KAZN: variants seen among roughly 807,000 people sequenced by gnomAD.
The protein encoded by KAZN is kazrin.
A neutral mutation model predicts 87.4 loss-of-function variants in KAZN; 40 were observed. The observed-to-expected ratio is 0.46, with a 90% CI of 0.36 to 0.60. The LOEUF (loss-of-function observed/expected upper bound fraction) is 0.60, where lower values mean the gene tolerates loss of function less well. KAZN is among the 20% of genes least tolerant of loss of function. The pLI is 0.00. For synonymous variants in KAZN, 466 were observed against 458.3 expected (o/e 1.02, Z -0.22); for missense variants, 898 against 1,073.9 (o/e 0.84, Z 2.29).
At chr1:14,507,141 T>C (rs192071056) in intron 2 of KAZN, among the ~76,000 whole-genome samples, 1 of 152,340 alleles carries the variant, frequency 6.6e-6, no homozygotes, top group East Asian at 1.9e-4. Flanking sequence ...AAAGCCCCTG[T>C]TGGTTTGCAG....
chr1:13,923,445 T>C (rs1027380015), intron 1 of KAZN, among the ~76,000 whole-genome samples: 76 of 151,558 alleles, frequency 5.0e-4, no homozygotes, highest in East Asian at 2.7e-3. Flanking sequence ...TGGTGGCAGG[T>C]GCCTGTAGTC....
intron 1 of KAZN, among the ~76,000 whole-genome samples, chr1:14,698,406 G>A (rs1641733672): frequency 2.0e-5 from 3 of 152,194 alleles, no homozygotes; most frequent in Non-Finnish European, 4.4e-5. Flanking sequence ...GTCCCATCTG[G>A]CCCTCGGCCG....
chr1:14,589,766 C>T (rs1220759365), intron 2 of KAZN, among the ~76,000 whole-genome samples: 1 of 152,160 alleles, frequency 6.6e-6, no homozygotes, highest in Non-Finnish European at 1.5e-5. Context: ...AATGTTTCCT[C>T]TGTGGCCTTG....
chr1:15,092,073 A>ATTTT (rs58871336), intron 8 of KAZN, among the ~76,000 whole-genome samples: 42 of 75,384 alleles, frequency 5.6e-4, no homozygotes, highest in African/African-American at 1.6e-3. Flanking sequence ...TTTTTTTTTG[A>ATTTT]TTTTTTTTTT....
intron 1 of KAZN, among the ~76,000 whole-genome samples, chr1:14,130,733 T>C (rs962999820): frequency 2.6e-5 from 4 of 152,174 alleles, no homozygotes; most frequent in African/African-American, 9.7e-5. Context: ...GACCTGATAT[T>C]ACCACTGAGT....
At chr1:14,477,004 G>A (rs924272552) in intron 2 of KAZN, among the ~76,000 whole-genome samples, 44 of 152,164 alleles carry the variant, frequency 2.9e-4, no homozygotes, top group Admixed American at 2.7e-3. Context: ...CAATGTAAAT[G>A]TCACCAACCT....
chr1:14,774,865 T>C (rs1167377455), intron 1 of KAZN, among the ~76,000 whole-genome samples: 2 of 152,174 alleles, frequency 1.3e-5, no homozygotes, highest in Non-Finnish European at 2.9e-5. Context: ...ATCATCTACC[T>C]GTGGAAAGTT....
intron 2 of KAZN, among the ~76,000 whole-genome samples, chr1:14,489,424 G>A (rs1013120867): frequency 2.0e-5 from 3 of 152,052 alleles, no homozygotes; most frequent in Admixed American, 6.6e-5. Context: ...TTGTAATTCA[G>A]TGTAAATTGA....
At chr1:14,175,659 G>A (rs940680977) in intron 1 of KAZN, among the ~76,000 whole-genome samples, 3 of 152,128 alleles carry the variant, frequency 2.0e-5, no homozygotes, top group African/African-American at 7.2e-5. Context: ...CCCCAAATCC[G>A]CTAGCCTACT....
chr1:14,535,925 G>T (rs976894983), intron 2 of KAZN, among the ~76,000 whole-genome samples: 4 of 152,138 alleles, frequency 2.6e-5, no homozygotes, highest in Non-Finnish European at 5.9e-5. Flanking sequence ...AGATCACCAG[G>T]GCAACTTGTT....
At chr1:14,858,082 TTA>T (rs1477293467) in intron 1 of KAZN, among the ~76,000 whole-genome samples, 1 of 152,232 alleles carries the variant, frequency 6.6e-6, no homozygotes, top group Non-Finnish European at 1.5e-5. Context: ...CTGACTTCTT[TTA>T]TAATTTAGCA....
At chr1:14,557,932 A>G (rs1304734474) in intron 2 of KAZN, among the ~76,000 whole-genome samples, 1 of 152,122 alleles carries the variant, frequency 6.6e-6, no homozygotes, top group Non-Finnish European at 1.5e-5. Flanking sequence ...ATTGACCTTC[A>G]TAAACCCCCT....
intron 1 of KAZN, among the ~76,000 whole-genome samples, chr1:14,772,544 C>A (rs961814662): frequency 3.3e-5 from 5 of 151,820 alleles, no homozygotes; most frequent in African/African-American, 4.8e-5. Flanking sequence ...AAAAAAGAGA[C>A]CCCTCTTGGA....
intron 8 of KAZN, among the ~76,000 whole-genome samples, chr1:15,072,104 A>G (rs1639530922): frequency 6.6e-6 from 1 of 152,184 alleles, no homozygotes; most frequent in Non-Finnish European, 1.5e-5. Context: ...GATTCTAAGC[A>G]AGTTGTTTAA....
chr1:13,935,927 T>C (rs76468707), intron 1 of KAZN, among the ~76,000 whole-genome samples: 114,511 of 148,564 alleles, frequency 0.77, 44,401 homozygotes, highest in South Asian at 0.92. Context: ...ATTTAATATA[T>C]GTACATCATC....
chr1:14,809,216 G>A (rs1193442214), intron 1 of KAZN, among the ~76,000 whole-genome samples: 4 of 152,220 alleles, frequency 2.6e-5, no homozygotes, highest in African/African-American at 7.2e-5. Flanking sequence ...TCAGAGCCTG[G>A]TGGCACAGAA....
rs1012763559 is a variant in KAZN, at chr1:15,077,849, C to A, written c.1222+12096C>A. 6.6e-6 allele frequency among the ~76,000 whole-genome samples: 1 copy of A among 152,130 alleles called. No individual in the cohort carries two copies. The highest frequency in any genetic ancestry group is 1.5e-5 in the Non-Finnish European group (1 of 68,036). ...GGCTTCATGGGAGCAGGAGAGGTAG[C>A]AGGGGGTGTGAGGAAAGCTAATATG... On this transcript the variant is annotated intron_variant, in intron 8 of 14. Transcript: ENST00000376030. This position sits in a 1 kb window ranked among gnomAD's most constrained non-coding sequence, Gnocchi z 4.8.
exon 1 of KAZN, chr1:13,892,885 G>A (rs1349748237): frequency 6.6e-6 from 1 of 152,246 alleles, no homozygotes; most frequent in African/African-American, 2.4e-5. Flanking sequence ...CGCGGGCTGG[G>A]GGCCGCTGCA....
intron 1 of KAZN, among the ~76,000 whole-genome samples, chr1:14,153,472 C>T (rs568724555): frequency 9.0e-4 from 137 of 152,226 alleles, no homozygotes; most frequent in African/African-American, 2.9e-3. Flanking sequence ...TTATTGGCAC[C>T]TTTGTCAAAA....
Sources: gnomAD v4.1 joint callset for allele counts (sites outside exome capture counted in the v4.1 genomes callset) on GRCh38, gnomAD v4.1.1 for gene constraint, Gnocchi (gnomAD v3.1) non-coding constraint, MANE v1.5 for transcripts, NCBI Gene and HGNC (gene_info 2026-07-23, HGNC 2026-07-21) for gene names.